SMYD4: variants seen among roughly 807,000 people sequenced by gnomAD.
SMYD4 encodes protein-lysine N-methyltransferase SMYD4.
A neutral mutation model predicts 72.8 loss-of-function variants in SMYD4; 68 were observed. That is an observed-to-expected ratio of 0.93 (90% CI 0.77 to 1.14). The LOEUF is 1.14. Among genes scored for constraint, SMYD4 ranks in the 50% most tolerant of loss-of-function variants. The probability of loss-of-function intolerance (pLI) is 0.00; values close to 1 mark genes in which losing one functional copy is unlikely to be tolerated. For synonymous variants in SMYD4, 407 were observed against 388.6 expected, an observed-to-expected ratio of 1.05 and a Z score of -0.56; for missense variants, 984 against 1,003.7, an observed-to-expected ratio of 0.98 and a Z score of 0.27.
At chr17:1,825,302 C>A in intron 2 of SMYD4, among the ~76,000 whole-genome samples, 1 of 152,140 alleles carries the variant, frequency 6.6e-6, no homozygotes. Flanking sequence ...TACATCATAA[C>A]ATAATGTTGT....
chr17:1,803,734 A>C (rs1228567421), intron 4 of SMYD4, among the ~76,000 whole-genome samples: 1 of 151,846 alleles, frequency 6.6e-6, no homozygotes, highest in African/African-American at 2.4e-5. Context: ...CCTGACCTCA[A>C]GTGATCCGTC....
At chr17:1,810,878 G>A (rs1373521874) in intron 3 of SMYD4, among the ~76,000 whole-genome samples, 1 of 152,218 alleles carries the variant, frequency 6.6e-6, no homozygotes, top group East Asian at 1.9e-4. Context: ...GTAAAGAGGT[G>A]GGCCTCTGAG....
At chr17:1,784,547 T>C (rs1908549722) in intron 7 of SMYD4, 86 bp from the exon 8 acceptor site, 1 of 1,553,936 alleles carries the variant, frequency 6.4e-7, no homozygotes, top group Admixed American at 1.9e-5. Flanking sequence ...TGCTCCATAG[T>C]TTCTTACCTC....
At position 1,781,260 on chromosome 17, in the gene SMYD4, C is replaced by G. The variant is rs769617766; in HGVS notation, c.*26G>C. The G allele has an allele frequency of 1.6e-5, 25 of 1,602,516 alleles. No homozygotes were observed. Among genetic ancestry groups the G allele is most frequent in the Non-Finnish European group, 2.1e-5 (25 of 1,176,600 alleles). On this transcript the variant is annotated 3_prime_UTR_variant, in exon 11 of 11. Coordinates refer to ENST00000305513, the MANE Select transcript of SMYD4 (RefSeq NM_052928.3). ...AACTTGTGTTCCATGGGCTCCTTTT[C>G]TGTGGGTCAAAATCCTCCTGGAACC...
chr17:1,794,824 T>A (rs973782286), intron 5 of SMYD4, among the ~76,000 whole-genome samples: 1 of 152,100 alleles, frequency 6.6e-6, no homozygotes, highest in African/African-American at 2.4e-5. Flanking sequence ...GTGATTCTGT[T>A]TGAAATGGTA....
intron 5 of SMYD4, among the ~76,000 whole-genome samples, chr17:1,793,366 T>C (rs978614677): frequency 1.3e-5 from 2 of 152,128 alleles, no homozygotes; most frequent in African/African-American, 4.8e-5. Context: ...CACAATTCTG[T>C]ACCCCGGCAG....
chr17:1,829,515 CCA>C (rs1339175306), intron 1 of SMYD4: 1 of 152,400 alleles, frequency 6.6e-6, no homozygotes, highest in African/African-American at 2.4e-5. Flanking sequence ...TAAAGTGCCC[CCA>C]CACACTGTCC....
chr17:1,784,516 C>A (rs779506856), intron 7 of SMYD4, 55 bp from the exon 8 acceptor site: 11 of 1,607,410 alleles, frequency 6.8e-6, no homozygotes, highest in Non-Finnish European at 8.5e-6. Context: ...ATCAACACCG[C>A]CTGTGCTTAC....
At chr17:1,787,072 CAT>C (rs1464712268) in intron 6 of SMYD4, 99 bp from the exon 7 acceptor site, 1 of 1,411,960 alleles carries the variant, frequency 7.1e-7, no homozygotes, top group East Asian at 2.4e-5. Context: ...AATTACCTAT[CAT>C]GTGACAGCTA....
intron 10 of SMYD4, 152 bp from the exon 11 acceptor site, chr17:1,781,591 C>T (rs535518541): frequency 3.5e-5 from 28 of 792,158 alleles, no homozygotes; most frequent in South Asian, 9.2e-5. Context: ...GTCACAAACA[C>T]GCTGCAAAAC....
At chr17:1,813,216 G>A (rs1910426312) in intron 2 of SMYD4, among the ~76,000 whole-genome samples, 1 of 152,210 alleles carries the variant, frequency 6.6e-6, no homozygotes, top group Non-Finnish European at 1.5e-5. Context: ...TGGGATTACA[G>A]GCATGTGCTA....
At chr17:1,808,482 T>A (rs973579265) in intron 3 of SMYD4, among the ~76,000 whole-genome samples, 2 of 152,224 alleles carry the variant, frequency 1.3e-5, no homozygotes, top group African/African-American at 4.8e-5. Flanking sequence ...TCACTGGTTA[T>A]GAGGTTTTTT....
At chr17:1,797,847 C>T (rs902469107) in intron 5 of SMYD4, among the ~76,000 whole-genome samples, 6 of 151,878 alleles carry the variant, frequency 4.0e-5, no homozygotes, top group Non-Finnish European at 7.4e-5. Flanking sequence ...ACTAAAAATA[C>T]AAAAATTAGC....
intron 5 of SMYD4, among the ~76,000 whole-genome samples, chr17:1,797,933 C>G (rs770672844): frequency 6.6e-6 from 1 of 151,742 alleles, no homozygotes. Context: ...ACCTGGCAGA[C>G]AGAGGTTGCA....
rs1908337211 is a variant in SMYD4 at position 1,781,080 on chromosome 17, T to C, written c.*206A>G. The C allele has an allele frequency of 4.2e-6, 2 of 481,392 alleles. No homozygotes were observed. The highest frequency in any genetic ancestry group is 3.5e-6 in the Non-Finnish European group (1 of 285,714). The allele number at this position is 481,392 out of a possible 1,614,324, so 29.8% of individuals were successfully genotyped here. On this transcript the variant is annotated 3_prime_UTR_variant, in exon 11 of 11. Coordinates refer to ENST00000305513, the MANE Select transcript of SMYD4 (RefSeq NM_052928.3). ...GATTACAGGTGCCCACCACCACGCC[T>C]GGCTAGTTTTTTGTATTTTTAGTAA...
At position 1,790,074 on chromosome 17, in the gene SMYD4, C is replaced by T. The variant is rs371175191; in HGVS notation, c.1538-2470G>A. ...TAAAAGGCAGGTGGCAGGAAGGAGC[C>T]GTCCAGGGCATGAACAATTTGTCGT... On this transcript the variant is annotated intron_variant, in intron 5 of 10. Transcript: ENST00000305513. Among the ~76,000 whole-genome samples the T allele has an allele frequency of 7.0e-4, 106 of 152,286 alleles. 1 individual carries two copies. Among genetic ancestry groups the T allele is most frequent in the African/African-American group, 2.4e-3 (101 of 41,562 alleles).
intron 5 of SMYD4, among the ~76,000 whole-genome samples, chr17:1,794,105 A>ATATATATATTTTTTT (rs1291818005): frequency 2.3e-4 from 3 of 12,984 alleles, no homozygotes; most frequent in African/African-American, 3.6e-4. Flanking sequence ...ATATATATAT[A>ATATATATATTTTTTT]TTTTTTTTTT....
At chr17:1,826,891 C>T (rs1355905764) in intron 2 of SMYD4, among the ~76,000 whole-genome samples, 1 of 152,160 alleles carries the variant, frequency 6.6e-6, no homozygotes, top group African/African-American at 2.4e-5. Flanking sequence ...TGGCTCATGC[C>T]TGTAATCCCA....
intron 3 of SMYD4, among the ~76,000 whole-genome samples, chr17:1,809,308 G>A (rs1211510348): frequency 6.6e-6 from 1 of 152,064 alleles, no homozygotes; most frequent in Non-Finnish European, 1.5e-5. Context: ...AGGGGATCTT[G>A]TTCCAGTTCT....
Sources: gnomAD v4.1 joint callset for allele counts (sites outside exome capture counted in the v4.1 genomes callset) on GRCh38, gnomAD v4.1.1 for gene constraint, MANE v1.5 for transcripts, NCBI Gene and HGNC (gene_info 2026-07-23, HGNC 2026-07-21) for gene names.